BCL11B: variants seen among roughly 807,000 people sequenced by gnomAD.
BCL11B encodes the protein B-cell lymphoma/leukemia 11B.
BCL11B carries 8 observed loss-of-function variants against 49.9 expected under a neutral mutation model. That is an observed-to-expected ratio of 0.16 (90% CI 0.09 to 0.29). The LOEUF (loss-of-function observed/expected upper bound fraction) is 0.29, where lower values mean the gene tolerates loss of function less well. BCL11B is among the 10% of genes least tolerant of loss of function. The pLI, the probability that BCL11B is intolerant of heterozygous loss-of-function variation, is 1.00. For synonymous variants in BCL11B, 739 were observed against 637.4 expected, an observed-to-expected ratio of 1.16 and a Z score of -2.40; for missense variants, 1,006 against 1,351.0, an observed-to-expected ratio of 0.74 and a Z score of 4.00.
intron 3 of BCL11B, among the ~76,000 whole-genome samples, chr14:99,179,240 G>A (rs572481708): frequency 7.2e-5 from 11 of 152,202 alleles, no homozygotes; most frequent in African/African-American, 1.9e-4. Context: ...TTGGGAGGCC[G>A]AAGCGGGCGG....
chr14:99,195,502 C>G lies in BCL11B; in HGVS notation c.641-19307G>C, dbSNP rs1281797024. Among the ~76,000 whole-genome samples the G allele has an allele frequency of 6.6e-6, 1 of 152,142 alleles. No individual in the cohort carries two copies. The highest frequency in any genetic ancestry group is 1.5e-5 in the Non-Finnish European group (1 of 68,034). On this transcript the variant is annotated intron_variant, in intron 3 of 3. Transcript: ENST00000357195. This position sits in a 1 kb window ranked among gnomAD's most constrained non-coding sequence, Gnocchi z 4.7. The stretch of plus-strand genomic sequence containing the variant: ...TGCACTGGGCTTTGCACCCCCAAAA[C>G]AATGGCTGGCCCTTGCTGAGCACTT...
Position 99,224,030 on chromosome 14 carries a change from C to A in BCL11B, c.640+7315G>T, listed in dbSNP as rs149617365. Among the ~76,000 whole-genome samples, 606 of 152,358 alleles carry A rather than the reference C, an allele frequency of 4.0e-3. 5 individuals carry two copies. Among genetic ancestry groups the A allele is most frequent in the African/African-American group, 0.014 (575 of 41,580 alleles). ...ACGGTGAGTTCCTCTAGGGCAAGGA[C>A]CCCGTCATGCCCATTTCCGGATCCC... is the stretch of plus-strand genomic sequence containing the variant. On this transcript the variant is annotated intron_variant, in intron 3 of 3. Coordinates refer to ENST00000357195, the MANE Select transcript of BCL11B (RefSeq NM_138576.4).
intron 2 of BCL11B, among the ~76,000 whole-genome samples, chr14:99,239,972 T>A (rs1888614868): frequency 6.6e-6 from 1 of 152,148 alleles, no homozygotes; most frequent in African/African-American, 2.4e-5. Flanking sequence ...TTGGGATGAC[T>A]CAAGCCCGAA....
Position 99,205,002 on chromosome 14 carries a change from G to A in BCL11B, c.640+26343C>T, listed in dbSNP as rs1167646150. On this transcript the variant is annotated intron_variant, in intron 3 of 3. Coordinates refer to ENST00000357195, the MANE Select transcript of BCL11B (RefSeq NM_138576.4). This position sits in a 1 kb window ranked among gnomAD's most constrained non-coding sequence, Gnocchi z 5.0. ...AGTCTGTGCCCCCTGTCCTTGGATG[G>A]AGGGGTACCTGGGACAGGACAGGCG... 6.6e-6 allele frequency among the ~76,000 whole-genome samples: 1 copy of A among 152,174 alleles called. No individual in the cohort carries two copies. Among genetic ancestry groups the A allele is most frequent in the African/African-American group, 2.4e-5 (1 of 41,446 alleles).
At chr14:99,218,302 G>A (rs983254431) in intron 3 of BCL11B, among the ~76,000 whole-genome samples, 1 of 145,504 alleles carries the variant, frequency 6.9e-6, no homozygotes, top group African/African-American at 2.6e-5. Flanking sequence ...GGATGGTCTC[G>A]ATCCCCTGAC....
intron 3 of BCL11B, among the ~76,000 whole-genome samples, chr14:99,199,673 T>TGCGCGCGC (rs774405509): frequency 4.7e-5 from 4 of 84,402 alleles, no homozygotes; most frequent in Non-Finnish European, 1.1e-4. Context: ...TGTGTGTGTG[T>TGCGCGCGC]GTGTGTGTGT....
intron 3 of BCL11B, among the ~76,000 whole-genome samples, chr14:99,199,480 A>G (rs1367713746): frequency 6.6e-6 from 1 of 152,136 alleles, no homozygotes. Flanking sequence ...ATTTGGTGAG[A>G]GGGTTCTTTC....
intron 3 of BCL11B, among the ~76,000 whole-genome samples, chr14:99,199,642 G>C (rs1257433): frequency 0.69 from 86,783 of 125,508 alleles, 27,304 homozygotes; most frequent in Non-Finnish European, 0.72. Flanking sequence ...GCTAAATGCT[G>C]TGTGTGTGTG....
chr14:99,183,453 G>A (rs1195339156), intron 3 of BCL11B, among the ~76,000 whole-genome samples: 1 of 152,094 alleles, frequency 6.6e-6, no homozygotes, highest in Non-Finnish European at 1.5e-5. Flanking sequence ...AGGACTGCCA[G>A]CGGCCGAGAC....
intron 2 of BCL11B, among the ~76,000 whole-genome samples, chr14:99,243,817 G>C (rs1330596552): frequency 6.6e-6 from 1 of 151,726 alleles, no homozygotes; most frequent in African/African-American, 2.4e-5. Context: ...TCCGAAGGAG[G>C]CTTCTCCAGG....
At chr14:99,246,392 A>G (rs1888838418) in intron 2 of BCL11B, among the ~76,000 whole-genome samples, 1 of 152,156 alleles carries the variant, frequency 6.6e-6, no homozygotes, top group Admixed American at 6.5e-5. Context: ...GAGAGAGGGA[A>G]GGAGGTGGAC....
intron 3 of BCL11B, among the ~76,000 whole-genome samples, chr14:99,225,654 A>G (rs1888138862): frequency 6.6e-6 from 1 of 151,764 alleles, no homozygotes; most frequent in African/African-American, 2.4e-5. Flanking sequence ...AAAAAAAGGG[A>G]AAAAAAGAAA....
chr14:99,271,032 G>C, intron 1 of BCL11B, 129 bp downstream of exon 1: 1 of 981,122 alleles, frequency 1.0e-6, no homozygotes, highest in South Asian at 1.9e-5. Flanking sequence ...GGCCGACGCC[G>C]TAGACTCTGC....
chr14:99,208,707 C>T (rs1006620774), intron 3 of BCL11B, among the ~76,000 whole-genome samples: 1 of 152,220 alleles, frequency 6.6e-6, no homozygotes, highest in Admixed American at 6.5e-5. Context: ...TCCACTGGGC[C>T]CGTTGTTTGA....
At chr14:99,214,146 G>A (rs1015046852) in intron 3 of BCL11B, among the ~76,000 whole-genome samples, 4 of 152,080 alleles carry the variant, frequency 2.6e-5, no homozygotes, top group South Asian at 2.1e-4. Flanking sequence ...CCCCATCCAC[G>A]GCCCTGCCTG....
chr14:99,190,907 CG>C (rs5810925), intron 3 of BCL11B, among the ~76,000 whole-genome samples: 5 of 151,396 alleles, frequency 3.3e-5, no homozygotes, highest in East Asian at 1.9e-4. Flanking sequence ...TTCGGCCACA[CG>C]GGGGGGGTCA....
chr14:99,226,143 C>G (rs760749924), intron 3 of BCL11B, among the ~76,000 whole-genome samples: 3 of 152,232 alleles, frequency 2.0e-5, no homozygotes, highest in African/African-American at 4.8e-5. Context: ...GTAGACATTG[C>G]AAGGCATACA....
At chr14:99,227,819 G>T (rs1888201140) in intron 3 of BCL11B, among the ~76,000 whole-genome samples, 1 of 152,122 alleles carries the variant, frequency 6.6e-6, no homozygotes, top group Non-Finnish European at 1.5e-5. Context: ...TCCTCTATGT[G>T]AAATTTCTCA....
At chr14:99,271,125 T>G in intron 1 of BCL11B, 36 bp downstream of exon 1, 1 of 1,524,212 alleles carries the variant, frequency 6.6e-7, no homozygotes, top group Non-Finnish European at 8.8e-7. Context: ...CGGAGCCCCA[T>G]CTCCGGCCCC....
Sources: allele counts gnomAD v4.1 joint callset (sites outside exome capture counted in the v4.1 genomes callset), GRCh38; gene constraint gnomAD v4.1.1; non-coding constraint Gnocchi (gnomAD v3.1); transcripts MANE v1.5; gene names NCBI Gene and HGNC (gene_info 2026-07-23, HGNC 2026-07-21).